GPRC5A: variants seen among roughly 807,000 people sequenced by gnomAD.
The protein encoded by GPRC5A is G protein-coupled receptor class C group 5 member A, also known as retinoic acid-induced protein 3.
In GPRC5A, 19 loss-of-function variants were observed where a neutral mutation model predicts 22.5. The observed-to-expected ratio is 0.85, with a 90% CI of 0.59 to 1.24. The LOEUF (loss-of-function observed/expected upper bound fraction) is 1.24. Ranked by LOEUF, GPRC5A falls within the 50% of genes most tolerant of loss-of-function variation. The probability of loss-of-function intolerance (pLI) is 0.00; values close to 1 mark genes in which losing one functional copy is unlikely to be tolerated. For missense variants in GPRC5A, 471 were observed against 451.1 expected (o/e 1.04, Z -0.40); for synonymous variants, 192 against 184.5 (o/e 1.04, Z -0.33).
At chr12:12,900,989 G>T (rs11055138) in intron 1 of GPRC5A, among the ~76,000 whole-genome samples, 1 of 147,602 alleles carries the variant, frequency 6.8e-6, no homozygotes, top group Non-Finnish European at 1.5e-5. Flanking sequence ...TTCATGCCTA[G>T]ATTCATTCCA....
At chr12:12,907,853 C>T (rs1861182) in intron 1 of GPRC5A, among the ~76,000 whole-genome samples, 70,619 of 151,738 alleles carry the variant, frequency 0.47, 17,297 homozygotes, top group East Asian at 0.89. Context: ...TCTCAAACTT[C>T]AGAGAGCAAA....
intron 1 of GPRC5A, among the ~76,000 whole-genome samples, chr12:12,897,477 G>T (rs948348336): frequency 6.6e-5 from 10 of 152,066 alleles, no homozygotes; most frequent in African/African-American, 2.2e-4. Context: ...AGATTTGCTT[G>T]CCTTGCACGG....
chr12:12,900,573 C>G (rs1863871533), intron 1 of GPRC5A, among the ~76,000 whole-genome samples: 2 of 151,904 alleles, frequency 1.3e-5, no homozygotes, highest in South Asian at 4.1e-4. Context: ...TCTTCCCTTC[C>G]CTCTCCCTCT....
intron 1 of GPRC5A, among the ~76,000 whole-genome samples, chr12:12,905,499 C>T (rs1239235753): frequency 6.6e-6 from 1 of 152,100 alleles, no homozygotes; most frequent in East Asian, 1.9e-4. Context: ...TGGAACACAA[C>T]AAAAAGAATA....
Position 12,915,528 on chromosome 12 carries a change from G to A in GPRC5A, c.*2989G>A, listed in dbSNP as rs1864054909. ...TTTTTAGTGAAAAGGATCTGTGGGA[G>A]CTTTTATTCCCATGGCTGCCTTCCT... On this transcript the variant is annotated 3_prime_UTR_variant, in exon 4 of 4. Coordinates refer to ENST00000014914, the MANE Select transcript of GPRC5A (RefSeq NM_003979.4). 1 of 156,672 alleles carries A rather than the reference G, an allele frequency of 6.4e-6. No individual in the cohort carries two copies. The highest frequency in any genetic ancestry group is 1.4e-5 in the Non-Finnish European group (1 of 70,680). 9.7% of individuals were successfully genotyped at this position (156,672 alleles called of 1,614,324 possible). A position where few individuals can be genotyped will look rare whatever the true frequency, so the allele number is the denominator to read the frequency against.
chr12:12,899,343 T>C (rs1239487798), intron 1 of GPRC5A, among the ~76,000 whole-genome samples: 1 of 152,110 alleles, frequency 6.6e-6, no homozygotes, highest in Admixed American at 6.6e-5. Context: ...CCGGCCAGGG[T>C]TGCTTGTTTT....
Position 12,908,147 on chromosome 12 carries a change from A to G in GPRC5A, c.-7-96A>G, listed in dbSNP as rs577911138. 9.0e-5 allele frequency: 74 copies of G among 825,394 alleles called. No homozygotes were observed. The South Asian group carries it at 1.4e-3, about 15-fold the overall frequency. The allele number at this position is 825,394 out of a possible 1,614,324, so 51.1% of individuals were successfully genotyped here. A position where few individuals can be genotyped will look rare whatever the true frequency, so the allele number is the denominator to read the frequency against. ...AGTCAAAACCCTGGCTAAACATGCA[A>G]AATTGGTTTCCTAATCCTTTTTTAG... On this transcript the variant is annotated intron_variant, in intron 1 of 3. Coordinates refer to ENST00000014914, the MANE Select transcript of GPRC5A (RefSeq NM_003979.4).
At chr12:12,892,312 G>A (rs1863768475) in intron 1 of GPRC5A, among the ~76,000 whole-genome samples, 1 of 152,198 alleles carries the variant, frequency 6.6e-6, no homozygotes, top group African/African-American at 2.4e-5. Flanking sequence ...TTTGGGAATA[G>A]CATAGATGCT....
chr12:12,907,639 A>C (rs763349722), intron 1 of GPRC5A, among the ~76,000 whole-genome samples: 55 of 152,266 alleles, frequency 3.6e-4, no homozygotes, highest in Non-Finnish European at 6.5e-4. Flanking sequence ...ATACACGTAT[A>C]TATATTTCAA....
rs60735966 is a variant in GPRC5A at position 12,915,017 on chromosome 12, ATTTTTTTTTTTT to A, written c.*2488_*2499del. 9.2e-6 allele frequency: 1 copy of A among 108,670 alleles called. No homozygotes were observed. The highest frequency in any genetic ancestry group is 3.5e-5 in the African/African-American group (1 of 28,442). 6.7% of individuals were successfully genotyped at this position (108,670 alleles called of 1,614,324 possible). A position where few individuals can be genotyped will look rare whatever the true frequency, so the allele number is the denominator to read the frequency against. On this transcript the variant is annotated 3_prime_UTR_variant, in exon 4 of 4. Coordinates refer to ENST00000014914, the MANE Select transcript of GPRC5A (RefSeq NM_003979.4). ...AAATCACAAAATACTCTGGATCGGC[ATTTTTTTTTTTT>A]TTTTTTTTTGAGACAGGGTCTAGCT...
intron 1 of GPRC5A, among the ~76,000 whole-genome samples, chr12:12,892,693 A>C (rs1052164459): frequency 1.3e-5 from 2 of 152,162 alleles, no homozygotes; most frequent in Non-Finnish European, 2.9e-5. Flanking sequence ...ATCCATGGGA[A>C]AGGCTAGCTA....
rs1863977187 is a variant in GPRC5A, at chr12:12,909,040, A to G, written c.791A>G (p.Glu264Gly). The G allele has an allele frequency of 1.2e-6, 2 of 1,612,562 alleles. No homozygotes were observed. The highest frequency in any genetic ancestry group is 1.7e-6 in the Non-Finnish European group (2 of 1,180,028). The change falls in exon 2 of 4, where the codon GAG becomes GGG. Residue 264 changes from glutamate to glycine, a missense_variant. Transcript: ENST00000014914. Reference protein sequence around the residue: ...WVFLLAYVSPEFWLLTKQRNP... With the variant: ...WVFLLAYVSPGFWLLTKQRNP... ...TTCCTGTTGGCTTATGTTAGTCCCG[A>G]GTTTTGGCTGCTCACAAAGCAACGA...
intron 1 of GPRC5A, among the ~76,000 whole-genome samples, chr12:12,903,015 C>T (rs1324420623): frequency 6.6e-6 from 1 of 151,918 alleles, no homozygotes; most frequent in African/African-American, 2.4e-5. Flanking sequence ...TGCCGGGCGC[C>T]GATATCGCGC....
At position 12,915,624 on chromosome 12, in the gene GPRC5A, TCTC is replaced by T. The variant is rs143086058; in HGVS notation, c.*3102_*3104del. The stretch of plus-strand genomic sequence containing the variant: ...GTTTCTCCTTCTTCCTTCTCCTCCT[TCTC>T]CTCCTCCTCCTCCTCCACCATGCCC... On this transcript the variant is annotated 3_prime_UTR_variant, in exon 4 of 4. Coordinates refer to ENST00000014914, the MANE Select transcript of GPRC5A (RefSeq NM_003979.4). The T allele has an allele frequency of 1.9e-3, 352 of 185,592 alleles. 1 individual carries two copies. Among genetic ancestry groups the T allele is most frequent in the South Asian group, 0.01 (140 of 13,966 alleles). The allele number at this position is 185,592 out of a possible 1,614,324, so 11.5% of individuals were successfully genotyped here. A position where few individuals can be genotyped will look rare whatever the true frequency, so the allele number is the denominator to read the frequency against.
At chr12:12,906,927 C>T (rs183328848) in intron 1 of GPRC5A, among the ~76,000 whole-genome samples, 15 of 152,070 alleles carry the variant, frequency 9.9e-5, no homozygotes, top group East Asian at 3.9e-4. Flanking sequence ...CATGTTGGCG[C>T]GTGCCTGTAA....
rs58381355 is a variant in GPRC5A at position 12,914,549 on chromosome 12, C to CTTCCTTCTCTTTCTTTCT, written c.*2013_*2014insCTTCTCTTTCTTTCTTTC. On this transcript the variant is annotated 3_prime_UTR_variant, in exon 4 of 4. Coordinates refer to ENST00000014914, the MANE Select transcript of GPRC5A (RefSeq NM_003979.4). ...CTCTCTTTCCTTCCTTCCTTCCTTT[C>CTTCCTTCTCTTTCTTTCT]TTCTTTCTTTCTTTCTTTCTTTCTT... 1 of 50,532 alleles carries CTTCCTTCTCTTTCTTTCT rather than the reference C, an allele frequency of 2.0e-5. No individual in the cohort carries two copies. Among genetic ancestry groups the CTTCCTTCTCTTTCTTTCT allele is most frequent in the Non-Finnish European group, 3.5e-5 (1 of 28,472 alleles). The allele number at this position is 50,532 out of a possible 1,614,324, so 3.1% of individuals were successfully genotyped here. A position where few individuals can be genotyped will look rare whatever the true frequency, so the allele number is the denominator to read the frequency against.
At chr12:12,899,865 C>A (rs922146600) in intron 1 of GPRC5A, among the ~76,000 whole-genome samples, 5 of 152,172 alleles carry the variant, frequency 3.3e-5, no homozygotes, top group African/African-American at 7.2e-5. Flanking sequence ...GGAAGGAAGA[C>A]AAAGTCAGTT....
At chr12:12,893,277 C>T (rs12811512) in intron 1 of GPRC5A, among the ~76,000 whole-genome samples, 17,181 of 152,250 alleles carry the variant, frequency 0.11, 1,188 homozygotes, top group South Asian at 0.21. Flanking sequence ...TTGGAAGTTC[C>T]CTTTAGAACT....
rs778311457 is a variant in GPRC5A, at chr12:12,909,170, A to G, written c.921A>G (p.Gln307=). ...CCTACTCTCAAGAGGAAATCACTCA[A>G]GGTACAGATGCAGCCTGGCTAGGCA... ...NRAYSQEEIT[Q]GFEETGDTLY... Residue 307 remains glutamine, a splice_region_variant and synonymous_variant, in exon 2 of 4, where the codon CAA becomes CAG. Coordinates refer to ENST00000014914, the MANE Select transcript of GPRC5A (RefSeq NM_003979.4). The G allele has an allele frequency of 1.3e-6, 2 of 1,575,590 alleles. No individual in the cohort carries two copies. Among genetic ancestry groups the G allele is most frequent in the Non-Finnish European group, 1.7e-6 (2 of 1,163,794 alleles).
Sources: allele counts gnomAD v4.1 joint callset (sites outside exome capture counted in the v4.1 genomes callset), GRCh38; gene constraint gnomAD v4.1.1; transcripts MANE v1.5; gene names NCBI Gene and HGNC (gene_info 2026-07-23, HGNC 2026-07-21).